The following VPS13C variants were observed in gnomAD, a reference collection of about 807,000 sequenced individuals.
VPS13C encodes the protein intermembrane lipid transfer protein VPS13C.
In VPS13C, 358 loss-of-function variants were observed where a neutral mutation model predicts 456.8. The observed-to-expected ratio is 0.78, with a 90% CI of 0.72 to 0.86. The LOEUF is 0.86. VPS13C is among the 40% of genes least tolerant of loss of function. VPS13C has a pLI of 0.00. For synonymous variants in VPS13C, 1,578 were observed against 1,486.7 expected (o/e 1.06, Z -1.41); for missense variants, 4,818 against 4,385.4 (o/e 1.10, Z -2.79).
At chr15:61,969,583 G>A in intron 27 of VPS13C, 131 bp from the exon 28 acceptor site, 2 of 445,218 alleles carry the variant, frequency 4.5e-6, no homozygotes, top group Non-Finnish European at 7.4e-6. Context: ...TGCCACCATA[G>A]CAATTTAATA....
At chr15:61,894,209 G>A (rs1453095711) in intron 66 of VPS13C, among the ~76,000 whole-genome samples, 1 of 152,090 alleles carries the variant, frequency 6.6e-6, no homozygotes, top group African/African-American at 2.4e-5. Flanking sequence ...TAGGGAGGCT[G>A]AGGCAGGGGA....
intron 44 of VPS13C, 33 bp from the exon 45 acceptor site, chr15:61,945,915 A>G (rs564532213): frequency 6.4e-7 from 1 of 1,567,240 alleles, no homozygotes; most frequent in Non-Finnish European, 8.6e-7. Flanking sequence ...TTATTATATC[A>G]AAAGAGCTGT....
At chr15:61,934,445 T>C (rs1296213924) in intron 48 of VPS13C, 114 bp from the exon 49 acceptor site, 1 of 524,270 alleles carries the variant, frequency 1.9e-6, no homozygotes, top group African/African-American at 2.0e-5. Flanking sequence ...ATTCTGTAAA[T>C]CATATTGAGA....
rs551165906 is a variant in VPS13C, at chr15:62,032,980, T to G, written c.385+461A>C. On this transcript the variant is annotated intron_variant, in intron 5 of 84. Coordinates refer to ENST00000644861, the MANE Select transcript of VPS13C (RefSeq NM_020821.3). The stretch of plus-strand genomic sequence containing the variant: ...AAACCTGAAGAATCAAGTTTTTGGG[T>G]TTTTTTTTAATATCCTGTACAACAC... 1.1e-3 allele frequency among the ~76,000 whole-genome samples: 163 copies of G among 147,806 alleles called. 1 individual carries two copies. Among genetic ancestry groups the G allele is most frequent in the African/African-American group, 3.8e-3 (157 of 40,968 alleles).
chr15:61,992,744 T>A (rs996362653), intron 16 of VPS13C, among the ~76,000 whole-genome samples: 15 of 152,060 alleles, frequency 9.9e-5, no homozygotes, highest in African/African-American at 3.6e-4. Flanking sequence ...CACAGCTCAG[T>A]GGTATTCAAT....
At chr15:61,977,974 C>T (rs2045757127) in intron 23 of VPS13C, among the ~76,000 whole-genome samples, 1 of 151,860 alleles carries the variant, frequency 6.6e-6, no homozygotes, top group Non-Finnish European at 1.5e-5. Context: ...CTGTCCTTTC[C>T]TCTAATGACC....
At chr15:61,908,012 G>A (rs943685212) in intron 65 of VPS13C, among the ~76,000 whole-genome samples, 8 of 152,144 alleles carry the variant, frequency 5.3e-5, no homozygotes, top group South Asian at 2.1e-4. Context: ...AGTGTGGTCC[G>A]TAAACAGGCA....
chr15:62,032,783 T>C (rs1450466148), intron 5 of VPS13C, among the ~76,000 whole-genome samples: 1 of 151,752 alleles, frequency 6.6e-6, no homozygotes, highest in East Asian at 1.9e-4. Context: ...TAATCAGCAA[T>C]TGTTGATTGA....
intron 67 of VPS13C, 109 bp from the exon 68 acceptor site, chr15:61,884,378 G>T: frequency 3.5e-6 from 4 of 1,157,666 alleles, no homozygotes; most frequent in South Asian, 3.1e-5. Context: ...AAATTACATT[G>T]GTATAAGGGA....
At chr15:62,009,728 C>A (rs2046978111) in intron 13 of VPS13C, among the ~76,000 whole-genome samples, 3 of 152,170 alleles carry the variant, frequency 2.0e-5, no homozygotes, top group African/African-American at 7.2e-5. Context: ...CCTCCTTTCA[C>A]TTCCAGTTCA....
intron 5 of VPS13C, among the ~76,000 whole-genome samples, chr15:62,032,299 G>A (rs1474439132): frequency 6.6e-6 from 1 of 151,624 alleles, no homozygotes; most frequent in Non-Finnish European, 1.5e-5. Context: ...TTCTTGGCTT[G>A]CTTTTTTGCC....
intron 9 of VPS13C, among the ~76,000 whole-genome samples, chr15:62,019,293 T>C (rs1403148586): frequency 6.6e-6 from 1 of 152,168 alleles, no homozygotes; most frequent in Non-Finnish European, 1.5e-5. Context: ...TTTCCTTCAG[T>C]TCTGCTCTGA....
intron 57 of VPS13C, 68 bp from the exon 58 acceptor site, chr15:61,919,517 T>G: frequency 5.9e-6 from 8 of 1,367,426 alleles, no homozygotes; most frequent in Non-Finnish European, 7.7e-6. Context: ...TAACAATCAT[T>G]AGTACCTCAA....
chr15:61,981,278 T>A, intron 22 of VPS13C, 64 bp downstream of exon 22: 1 of 1,487,628 alleles, frequency 6.7e-7, no homozygotes, highest in Non-Finnish European at 8.9e-7. Context: ...AACAGCAAAC[T>A]GTTGGAGAGT....
intron 15 of VPS13C, among the ~76,000 whole-genome samples, chr15:62,001,412 G>A (rs13329639): frequency 0.053 from 8,119 of 152,200 alleles, 386 homozygotes; most frequent in African/African-American, 0.12. Flanking sequence ...ATGAATCATT[G>A]CTAGAAATAG....
chr15:61,877,170 C>T (rs755881259), intron 74 of VPS13C, 116 bp from the exon 75 acceptor site: 70 of 634,294 alleles, frequency 1.1e-4, no homozygotes, highest in African/African-American at 9.8e-4. Flanking sequence ...CAATTGACTT[C>T]GTACATTTAC....
At chr15:61,932,542 C>A (rs1234495424) in intron 49 of VPS13C, among the ~76,000 whole-genome samples, 3 of 151,458 alleles carry the variant, frequency 2.0e-5, no homozygotes, top group African/African-American at 7.3e-5. Context: ...AAAAAAACCC[C>A]AGCCAATCAA....
chr15:62,003,168 A>G (rs2046698321), intron 15 of VPS13C, among the ~76,000 whole-genome samples: 1 of 151,894 alleles, frequency 6.6e-6, no homozygotes, highest in African/African-American at 2.4e-5. Flanking sequence ...ATGTTCTTCC[A>G]TTTGTTTGTG....
At chr15:61,861,099 T>C (rs1894202704) in intron 82 of VPS13C, among the ~76,000 whole-genome samples, 1 of 151,822 alleles carries the variant, frequency 6.6e-6, no homozygotes, top group Non-Finnish European at 1.5e-5. Flanking sequence ...ATAGCTGGGA[T>C]TACAGGCATG....
Sources: allele counts gnomAD v4.1 joint callset (sites outside exome capture counted in the v4.1 genomes callset), GRCh38; gene constraint gnomAD v4.1.1; transcripts MANE v1.5; gene names NCBI Gene and HGNC (gene_info 2026-07-23, HGNC 2026-07-21).